Variants in TBC1D19 observed in about 807,000 individuals in gnomAD.
TBC1D19 encodes TBC1 domain family member 19.
Under a neutral mutation model 89.0 loss-of-function variants are expected in TBC1D19, and 60 were observed. That is an observed-to-expected ratio of 0.67 (90% CI 0.55 to 0.84). The LOEUF (loss-of-function observed/expected upper bound fraction) is 0.84. Ranked by LOEUF, TBC1D19 falls within the 40% of genes least tolerant of loss-of-function variation. The pLI, the probability that TBC1D19 is intolerant of heterozygous loss-of-function variation, is 0.00. For synonymous variants in TBC1D19, 189 were observed against 199.7 expected (o/e 0.95, Z 0.45); for missense variants, 500 against 610.8 (o/e 0.82, Z 1.91).
chr4:26,597,911 T>C (rs1740333283), intron 1 of TBC1D19, among the ~76,000 whole-genome samples: 1 of 152,190 alleles, frequency 6.6e-6, no homozygotes, highest in African/African-American at 2.4e-5. Context: ...ACACTAGAGT[T>C]ACAGCACTTA....
intron 7 of TBC1D19, among the ~76,000 whole-genome samples, chr4:26,653,586 G>C (rs978436090): frequency 6.6e-6 from 1 of 152,148 alleles, no homozygotes; most frequent in African/African-American, 2.4e-5. Flanking sequence ...ATTTAGGATA[G>C]TTAGCTTGTC....
At chr4:26,835,974 GCT>G in the TBC1D19 span, among the ~76,000 whole-genome samples, 44,350 of 142,692 alleles carry the variant, frequency 0.31, 6,535 homozygotes, top group Middle Eastern at 0.45. Context: ...CATGTGAAGT[GCT>G]CTCTCTCTCT....
Position 26,717,989 on chromosome 4 carries a change from T to C in TBC1D19, c.1011T>C (p.Ser337=). Residue 337 remains serine, a synonymous_variant, in exon 14 of 21, where the codon AGT becomes AGC. Coordinates refer to ENST00000264866, the MANE Select transcript of TBC1D19 (RefSeq NM_018317.4). The part of the protein sequence containing the change: ...TSVLSHFAFN[S]ASPPKSYIRG... ...TGTTGAGTCACTTTGCATTCAACAGTGCCTCGCCACCAAAATCATACATAA... is the reference window on the plus strand; with the variant it reads ...TGTTGAGTCACTTTGCATTCAACAGCGCCTCGCCACCAAAATCATACATAA... The C allele has an allele frequency of 6.2e-7, 1 of 1,612,060 alleles. No individual in the cohort carries two copies. The highest frequency in any genetic ancestry group is 8.5e-7 in the Non-Finnish European group (1 of 1,178,962).
At chr4:26,602,560 C>T (rs552393943) in intron 1 of TBC1D19, among the ~76,000 whole-genome samples, 2 of 151,444 alleles carry the variant, frequency 1.3e-5, no homozygotes, top group South Asian at 2.1e-4. Flanking sequence ...CCTGCCTTAG[C>T]CTCCTGAGTA....
At chr4:26,635,759 A>G (rs1424725337) in intron 4 of TBC1D19, among the ~76,000 whole-genome samples, 1 of 152,164 alleles carries the variant, frequency 6.6e-6, no homozygotes, top group Non-Finnish European at 1.5e-5. Flanking sequence ...ATGAAAGCCC[A>G]TAAGCAAAGT....
At chr4:26,655,408 G>C (rs1166282112) in intron 7 of TBC1D19, among the ~76,000 whole-genome samples, 2 of 152,236 alleles carry the variant, frequency 1.3e-5, no homozygotes, top group Non-Finnish European at 2.9e-5. Flanking sequence ...CTGTCAGACA[G>C]GGACATTTAA....
At chr4:26,578,859 C>A (rs369639272) in intron 1 of TBC1D19, among the ~76,000 whole-genome samples, 22 of 152,300 alleles carry the variant, frequency 1.4e-4, no homozygotes, top group African/African-American at 5.1e-4. Flanking sequence ...ATCTCAAATT[C>A]CAGTAGAGTG....
intron 13 of TBC1D19, among the ~76,000 whole-genome samples, chr4:26,700,021 A>T (rs1002643652): frequency 2.0e-5 from 3 of 152,224 alleles, no homozygotes; most frequent in African/African-American, 4.8e-5. Flanking sequence ...ATAATAATAA[A>T]AAAGAAATTA....
chr4:26,740,607 G>C (rs1342442747), intron 17 of TBC1D19: 1 of 967,014 alleles, frequency 1.0e-6, no homozygotes, highest in African/African-American at 1.8e-5. Flanking sequence ...TTCTCTTTTG[G>C]CTGTTCCTTT....
chr4:26,590,796 G>GTTTCTTTTTTTTTTT (rs1739722647), intron 1 of TBC1D19, among the ~76,000 whole-genome samples: 1 of 52,958 alleles, frequency 1.9e-5, no homozygotes, highest in Non-Finnish European at 3.1e-5. Context: ...TTGCAGGTCT[G>GTTTCTTTTTTTTTTT]TTTTTTTTTT....
At chr4:26,799,337 A>G in the TBC1D19 span, among the ~76,000 whole-genome samples, 9 of 152,170 alleles carry the variant, frequency 5.9e-5, no homozygotes, top group Admixed American at 1.3e-4. Flanking sequence ...ACCCTGTCTC[A>G]AAGAGGAAAA....
intron 7 of TBC1D19, 137 bp downstream of exon 7, chr4:26,640,324 A>C: frequency 1.6e-6 from 1 of 643,866 alleles, no homozygotes; most frequent in East Asian, 2.8e-5. Flanking sequence ...TGACATGATC[A>C]GATCTGTGTT....
chr4:26,655,035 G>A (rs1050844859), intron 7 of TBC1D19, among the ~76,000 whole-genome samples: 3 of 152,122 alleles, frequency 2.0e-5, no homozygotes, highest in Non-Finnish European at 2.9e-5. Context: ...TGATGGTGAC[G>A]TACAGATGGG....
chr4:26,850,540 C>CAAAAAAAAAAAAAAAA, the TBC1D19 span, among the ~76,000 whole-genome samples: 50 of 90,408 alleles, frequency 5.5e-4, 1 homozygote, highest in African/African-American at 2.0e-3. Flanking sequence ...GACCCTGTCT[C>CAAAAAAAAAAAAAAAA]AAAAAAAAAA....
intron 19 of TBC1D19, 127 bp downstream of exon 19, chr4:26,748,653 T>A: frequency 1.4e-6 from 1 of 701,902 alleles, no homozygotes. Context: ...TTAATAGATA[T>A]ATCTGGCTTT....
At chr4:26,645,421 A>T (rs940996101) in intron 7 of TBC1D19, among the ~76,000 whole-genome samples, 2 of 152,258 alleles carry the variant, frequency 1.3e-5, no homozygotes, top group African/African-American at 4.8e-5. Flanking sequence ...TCCCTATTTA[A>T]TAAATGGTGC....
At chr4:26,752,243 C>CTTTTTT (rs758735137) in intron 19 of TBC1D19, among the ~76,000 whole-genome samples, 7 of 128,916 alleles carry the variant, frequency 5.4e-5, no homozygotes, top group African/African-American at 1.2e-4. Context: ...ATATTTCTTT[C>CTTTTTT]TTTTTTTTTT....
chr4:26,857,446 G>T, the TBC1D19 span, among the ~76,000 whole-genome samples: 1 of 152,230 alleles, frequency 6.6e-6, no homozygotes, highest in African/African-American at 2.4e-5. Flanking sequence ...TCAGTGGGAG[G>T]GCGAGGCGCC....
At chr4:26,659,732 A>G (rs1424135418) in intron 8 of TBC1D19, 25 bp downstream of exon 8, 5 of 1,446,516 alleles carry the variant, frequency 3.5e-6, no homozygotes, top group South Asian at 1.3e-5. Context: ...TTAAAAATAA[A>G]CATCATTTAG....
Sources: gnomAD v4.1 joint callset for allele counts (sites outside exome capture counted in the v4.1 genomes callset) on GRCh38, gnomAD v4.1.1 for gene constraint, MANE v1.5 for transcripts, NCBI Gene and HGNC (gene_info 2026-07-23, HGNC 2026-07-21) for gene names.